SHISA6: variants seen among roughly 807,000 people sequenced by gnomAD.
SHISA6 encodes the protein shisa family member 6.
In SHISA6, 22 loss-of-function variants were observed where a neutral mutation model predicts 47.9. The observed-to-expected ratio is 0.46, with a 90% CI of 0.33 to 0.66. The LOEUF is 0.66. Among genes scored for constraint, SHISA6 ranks in the 30% least tolerant of loss-of-function variants. The pLI is 0.02. For synonymous variants in SHISA6, 388 were observed against 337.8 expected, an observed-to-expected ratio of 1.15 and a Z score of -1.63; for missense variants, 680 against 764.6, an observed-to-expected ratio of 0.89 and a Z score of 1.30.
At chr17:11,242,875 G>T in intron 1 of SHISA6, among the ~76,000 whole-genome samples, 1 of 152,124 alleles carries the variant, frequency 6.6e-6, no homozygotes, top group East Asian at 1.9e-4. Context: ...TTGCCCCCCA[G>T]TGAGCCCTTG....
At chr17:11,525,657 A>C (rs367661160) in intron 3 of SHISA6, among the ~76,000 whole-genome samples, 357 of 130,982 alleles carry the variant, frequency 2.7e-3, no homozygotes, top group African/African-American at 8.7e-3. Flanking sequence ...AAAAACAAAA[A>C]AAAAAAAACG....
At chr17:11,505,669 A>T (rs1427560964) in intron 3 of SHISA6, among the ~76,000 whole-genome samples, 1 of 152,234 alleles carries the variant, frequency 6.6e-6, no homozygotes, top group Non-Finnish European at 1.5e-5. Flanking sequence ...AGATAAGGTA[A>T]CTGGGTTCAT....
In SHISA6 at chr17:11,423,332, TAG is replaced by T. The variant is rs1555534353; in HGVS notation, c.895+43825_895+43826del. ...TATATGCCTGTAACATATATATAGATAGATAGATAGATAGATAGATAGATAGA... is the reference window on the plus strand; with the variant it reads ...TATATGCCTGTAACATATATATAGATATAGATAGATAGATAGATAGATAGA... On this transcript the variant is annotated intron_variant, in intron 3 of 5. Coordinates refer to ENST00000441885, the MANE Select transcript of SHISA6 (RefSeq NM_207386.4). Among the ~76,000 whole-genome samples the T allele has an allele frequency of 1.1e-3, 29 of 25,980 alleles. 1 individual carries two copies. Among genetic ancestry groups the T allele is most frequent in the Middle Eastern group, 0.017 (1 of 60 alleles). 17.0% of individuals were successfully genotyped at this position (25,980 alleles called of 152,430 possible).
At chr17:11,526,012 A>AG (rs910086447) in intron 3 of SHISA6, among the ~76,000 whole-genome samples, 1 of 111,852 alleles carries the variant, frequency 8.9e-6, no homozygotes, top group Non-Finnish European at 1.9e-5. Flanking sequence ...TATCTTAAAA[A>AG]GAAAAAAAAA....
chr17:11,454,959 G>T (rs919098016), intron 3 of SHISA6, among the ~76,000 whole-genome samples: 2 of 152,052 alleles, frequency 1.3e-5, no homozygotes, highest in African/African-American at 4.8e-5. Flanking sequence ...CACGAGGTCA[G>T]GAGATCAAGA....
In SHISA6 at chr17:11,472,290, G is replaced by A. The variant is rs60340730; in HGVS notation, c.896-79606G>A. 2.6e-5 allele frequency among the ~76,000 whole-genome samples: 4 copies of A among 152,072 alleles called. No homozygotes were observed. The East Asian group carries it at 7.7e-4, about 29-fold the overall frequency. On this transcript the variant is annotated intron_variant, in intron 3 of 5. Coordinates refer to ENST00000441885, the MANE Select transcript of SHISA6 (RefSeq NM_207386.4). The stretch of plus-strand genomic sequence containing the variant: ...TAGCTTACCACGGCCTCGATCTCCA[G>A]GGTCCAAGCAGTCTTTCCAGCTTAG...
At chr17:11,509,521 TG>T (rs760242230) in intron 3 of SHISA6, among the ~76,000 whole-genome samples, 1 of 152,206 alleles carries the variant, frequency 6.6e-6, no homozygotes, top group Non-Finnish European at 1.5e-5. Context: ...ACACTTTCCA[TG>T]AACTGTGGAG....
intron 3 of SHISA6, among the ~76,000 whole-genome samples, chr17:11,462,142 C>T (rs2142314365): frequency 6.6e-6 from 1 of 152,210 alleles, no homozygotes; most frequent in Admixed American, 6.5e-5. Flanking sequence ...TGACAGGTAG[C>T]AGAGATTAAA....
chr17:11,558,136 C>T lies in SHISA6; in HGVS notation c.1488C>T (p.His496=), dbSNP rs1327422586. The T allele has an allele frequency of 1.9e-6, 3 of 1,550,878 alleles. No individual in the cohort carries two copies. The highest frequency in any genetic ancestry group is 1.2e-5 in the South Asian group (1 of 84,074). The change falls in exon 6 of 6, where the codon CAC becomes CAT. Residue 496 remains histidine (H), a synonymous_variant. Coordinates refer to ENST00000441885, the MANE Select transcript of SHISA6 (RefSeq NM_207386.4). ...ACCGCTACCGCATGAGCAAGATGCACTCTCATCCCAGTGCCTCCAATAACT... is the reference window on the plus strand; with the variant it reads ...ACCGCTACCGCATGAGCAAGATGCATTCTCATCCCAGTGCCTCCAATAACT... ...VLDRYRMSKM[H]SHPSASNNSY...
intron 2 of SHISA6, among the ~76,000 whole-genome samples, chr17:11,377,595 T>G (rs1451164020): frequency 6.6e-6 from 1 of 152,174 alleles, no homozygotes; most frequent in Non-Finnish European, 1.5e-5. Flanking sequence ...TGAGGCACTC[T>G]CAGGTTTGAG....
At chr17:11,385,216 A>G (rs1043076722) in intron 3 of SHISA6, among the ~76,000 whole-genome samples, 1 of 152,170 alleles carries the variant, frequency 6.6e-6, no homozygotes, top group African/African-American at 2.4e-5. Flanking sequence ...AGACTGACTG[A>G]CGGATGTGAA....
At chr17:11,279,240 T>G (rs942989199) in intron 2 of SHISA6, among the ~76,000 whole-genome samples, 1 of 152,096 alleles carries the variant, frequency 6.6e-6, no homozygotes, top group Non-Finnish European at 1.5e-5. Context: ...AAAGAGAGGG[T>G]GAGGCATGTA....
At chr17:11,547,864 T>G (rs1399556322) in intron 3 of SHISA6, among the ~76,000 whole-genome samples, 2 of 152,236 alleles carry the variant, frequency 1.3e-5, no homozygotes, top group Non-Finnish European at 2.9e-5. Context: ...AAGATTTTTG[T>G]GAGTGATATT....
intron 2 of SHISA6, among the ~76,000 whole-genome samples, chr17:11,355,431 A>G (rs925721640): frequency 4.6e-5 from 7 of 152,208 alleles, no homozygotes; most frequent in East Asian, 1.9e-4. Flanking sequence ...ATGGGAAAAA[A>G]ATACAATTTA....
Position 11,561,190 on chromosome 17 carries a change from A to G in SHISA6, c.*2886A>G, listed in dbSNP as rs1396906491. 6.6e-6 allele frequency: 1 copy of G among 152,202 alleles called. No homozygotes were observed. The allele number at this position is 152,202 out of a possible 1,614,324, so 9.4% of individuals were successfully genotyped here. A position where few individuals can be genotyped will look rare whatever the true frequency, so the allele number is the denominator to read the frequency against. On this transcript the variant is annotated 3_prime_UTR_variant, in exon 6 of 6. Coordinates refer to ENST00000441885, the MANE Select transcript of SHISA6 (RefSeq NM_207386.4). The stretch of plus-strand genomic sequence containing the variant: ...CCCAACCAGGCTGGTGGCCTCTACC[A>G]TACATAGAAGTACCATCCACCCTTA...
chr17:11,257,525 G>A (rs1413880402), intron 1 of SHISA6, among the ~76,000 whole-genome samples: 1 of 152,072 alleles, frequency 6.6e-6, no homozygotes. Flanking sequence ...GCTGGGTGTG[G>A]TGGTGCTTGC....
At chr17:11,541,893 G>C (rs904697993) in intron 3 of SHISA6, among the ~76,000 whole-genome samples, 1 of 152,162 alleles carries the variant, frequency 6.6e-6, no homozygotes, top group Non-Finnish European at 1.5e-5. Flanking sequence ...AGTGAAGCTG[G>C]TCATGCCCCA....
chr17:11,310,865 T>C lies in SHISA6; in HGVS notation c.799+47339T>C, dbSNP rs545332281. 5.3e-4 allele frequency among the ~76,000 whole-genome samples: 80 copies of C among 152,040 alleles called. 1 individual carries two copies. The highest frequency in any genetic ancestry group is 1.8e-3 in the Admixed American group (27 of 15,290). On this transcript the variant is annotated intron_variant, in intron 2 of 5. Coordinates refer to ENST00000441885, the MANE Select transcript of SHISA6 (RefSeq NM_207386.4). ...GGCTCACGCCTGTAATCCCAGCACT[T>C]TGGGGGGCCTAGGTGGGCGCATCAC...
intron 3 of SHISA6, among the ~76,000 whole-genome samples, chr17:11,477,424 T>A (rs1916079209): frequency 1.3e-5 from 2 of 152,152 alleles, no homozygotes; most frequent in Middle Eastern, 3.4e-3. Flanking sequence ...GTTAAACTAC[T>A]TTTTTTTATT....
Sources: gnomAD v4.1 joint callset for allele counts (sites outside exome capture counted in the v4.1 genomes callset) on GRCh38, gnomAD v4.1.1 for gene constraint, MANE v1.5 for transcripts, NCBI Gene and HGNC (gene_info 2026-07-23, HGNC 2026-07-21) for gene names.